DDX54: variants seen among roughly 807,000 people sequenced by gnomAD.
The protein encoded by DDX54 is DEAD-box helicase 54, also known as ATP-dependent RNA helicase DDX54.
Under a neutral mutation model 105.5 loss-of-function variants are expected in DDX54, and 67 were observed. That is an observed-to-expected ratio of 0.64 (90% CI 0.52 to 0.78). The LOEUF (loss-of-function observed/expected upper bound fraction) is 0.78, where lower values mean the gene tolerates loss of function less well. Among genes scored for constraint, DDX54 ranks in the 30% least tolerant of loss-of-function variants. DDX54 has a pLI of 0.00. For missense variants in DDX54, 1,206 were observed against 1,230.5 expected (o/e 0.98, Z 0.30); for synonymous variants, 514 against 509.9 (o/e 1.01, Z -0.11).
intron 5 of DDX54, among the ~76,000 whole-genome samples, 182 bp downstream of exon 5, chr12:113,178,795 G>A (rs61941442): frequency 0.053 from 8,025 of 152,196 alleles, 278 homozygotes; most frequent in Middle Eastern, 0.068. Context: ...TGCCCACCTC[G>A]GCCTCCCAGA....
rs954372161 is a variant in DDX54 at position 113,164,177 on chromosome 12, C to A, written c.1828G>T (p.Gly610Trp). ...GGGCCCTCCTGCTGCTCCTGCCGCC[C>A]CTGCTGTCCCTGCTGGAAGCGGGCG... Reference protein sequence around the residue: ...AIARFQQGQQGRQEQQEGPVG... With the variant: ...AIARFQQGQQWRQEQQEGPVG... Residue 610 changes from glycine to tryptophan, a missense_variant, in exon 15 of 20, where the codon GGG (glycine) becomes TGG (tryptophan). Physicochemically the swap from Gly to Trp is radical, Grantham distance 184. Around this residue, in one of 3 missense-constraint regions of DDX54, gnomAD observed 961 missense variants for 1,019.1 expected, o/e 0.94. Transcript: ENST00000306014. 14 of 1,561,660 alleles carry A rather than the reference C, an allele frequency of 9.0e-6. No individual in the cohort carries two copies. Among genetic ancestry groups the A allele is most frequent in the Non-Finnish European group, 1.1e-5 (13 of 1,154,056 alleles).
rs1032920350 is a variant in DDX54 at position 113,159,398 on chromosome 12, T to C, written c.2414-289A>G. The C allele has an allele frequency of 5.6e-5, 26 of 461,242 alleles. No individual in the cohort carries two copies. In the Admixed American group the frequency reaches 7.4e-4, roughly 13 times the overall value. 28.6% of individuals were successfully genotyped at this position (461,242 alleles called of 1,614,324 possible). A position where few individuals can be genotyped will look rare whatever the true frequency, so the allele number is the denominator to read the frequency against. On this transcript the variant is annotated intron_variant, in intron 19 of 19. Transcript: ENST00000306014. The stretch of plus-strand genomic sequence containing the variant: ...AGTTTCCCCATCTATGAATTATAAA[T>C]CACAGCACCTCCCTCATGGGTGAAG...
chr12:113,174,764 A>G lies in DDX54; in HGVS notation c.944T>C (p.Phe315Ser), dbSNP rs548127700. ...TKLNEQLKTS[F>S]FLVREDTKAA... Reference sequence around the variant, plus strand: ...CTTGGTGTCCTCCCGCACGAGGAAGAAGGAGGTCTGTGGGGAGAGGGCATC... The same window carrying G: ...CTTGGTGTCCTCCCGCACGAGGAAGGAGGAGGTCTGTGGGGAGAGGGCATC... The change falls in exon 10 of 20, where the codon TTC becomes TCC. Residue 315 changes from phenylalanine to serine, a missense_variant. Transcript: ENST00000306014. 1.1e-5 allele frequency: 17 copies of G among 1,612,686 alleles called. No homozygotes were observed. In the South Asian group the frequency reaches 1.5e-4, roughly 15 times the overall value.
intron 2 of DDX54, 100 bp downstream of exon 2, chr12:113,180,829 C>T: frequency 6.4e-7 from 1 of 1,566,922 alleles, no homozygotes; most frequent in South Asian, 1.2e-5. Context: ...TACCCAACCA[C>T]AGTGCTGGGC....
rs1444324465 is a variant in DDX54, at chr12:113,163,857, G to A, written c.1938+210C>T. Among the ~76,000 whole-genome samples, 3 of 152,274 alleles carry A rather than the reference G, an allele frequency of 2.0e-5. No individual in the cohort carries two copies. The highest frequency in any genetic ancestry group is 2.1e-4 in the South Asian group (1 of 4,822). On this transcript the variant is annotated intron_variant, in intron 15 of 19. Coordinates refer to ENST00000306014, the MANE Select transcript of DDX54 (RefSeq NM_024072.4). The surrounding 1 kb of genome is among the most constrained non-coding windows in gnomAD (Gnocchi z 5.9). Reference sequence around the variant, plus strand: ...CGGACCCCACTGAGGGTGTCATGTCGTGCACAGCTCCTCAGGCTAAAGATC... The same window carrying A: ...CGGACCCCACTGAGGGTGTCATGTCATGCACAGCTCCTCAGGCTAAAGATC...
intron 17 of DDX54, among the ~76,000 whole-genome samples, chr12:113,162,256 G>C (rs890599978): frequency 1.3e-5 from 2 of 152,294 alleles, no homozygotes; most frequent in East Asian, 1.9e-4. Context: ...GCCTGGCTCA[G>C]GGACAAGGGC....
intron 8 of DDX54, 36 bp downstream of exon 8, chr12:113,175,000 A>G (rs2136322699): frequency 6.3e-7 from 1 of 1,578,500 alleles, no homozygotes; most frequent in Non-Finnish European, 8.7e-7. Context: ...CCCCAGCCTG[A>G]CCCCCAGCCC....
rs1297206449 is a variant in DDX54, at chr12:113,165,595, C to A, written c.1719+49G>T. The A allele has an allele frequency of 7.2e-6, 11 of 1,535,544 alleles. No individual in the cohort carries two copies. The African/African-American group carries it at 8.2e-5, about 12-fold the overall frequency. On this transcript the variant is annotated intron_variant, in intron 14 of 19. Coordinates refer to ENST00000306014, the MANE Select transcript of DDX54 (RefSeq NM_024072.4). ...AGGCCACAGGCCATCTGTCTCTGGG[C>A]TCCACAGAGCCAGGACTCAGAGCGT...
At position 113,178,984 on chromosome 12, in the gene DDX54, C is replaced by T; in HGVS notation, c.607G>A (p.Gly203Arg). ...GGGGTGCAGGGACCTTACCTGTCTC[C>T]ACCCAGGATCAGGGCAGTCTTGAGG... ...TGLKTALILG[G>R]DRMEDQFAAL... The change falls in exon 5 of 20, where the codon GGA (glycine) becomes AGA (arginine). Residue 203 changes from glycine (G) to arginine (R), a missense_variant. Gly to Arg is a moderately radical substitution (Grantham distance 125). Coordinates refer to ENST00000306014, the MANE Select transcript of DDX54 (RefSeq NM_024072.4). The T allele has an allele frequency of 1.9e-6, 3 of 1,614,088 alleles. No individual in the cohort carries two copies. The highest frequency in any genetic ancestry group is 2.5e-6 in the Non-Finnish European group (3 of 1,179,974).
intron 4 of DDX54, 22 bp from the exon 5 acceptor site, chr12:113,179,048 G>C (rs1362685420): frequency 6.2e-7 from 1 of 1,613,900 alleles, no homozygotes; most frequent in African/African-American, 1.3e-5. Context: ...AAGTGATTGA[G>C]AGAGGGCAGG....
chr12:113,181,728 C>T (rs897483427), intron 1 of DDX54, among the ~76,000 whole-genome samples: 2 of 150,464 alleles, frequency 1.3e-5, no homozygotes, highest in Non-Finnish European at 3.0e-5. Flanking sequence ...CCTTTCTGAT[C>T]TCTGGTCTGT....
In DDX54 at chr12:113,164,321, C is replaced by A. The variant is rs767688274; in HGVS notation, c.1720-36G>T. On this transcript the variant is annotated intron_variant, in intron 14 of 19. Coordinates refer to ENST00000306014, the MANE Select transcript of DDX54 (RefSeq NM_024072.4). ...GACACCCAGTCCTTTGCCCACTGGC[C>A]TCCTACTCCTAACCCCACCCTTACC... The A allele has an allele frequency of 6.5e-6, 10 of 1,539,674 alleles. No homozygotes were observed. The South Asian group carries it at 1.2e-4, about 18-fold the overall frequency.
Position 113,174,679 on chromosome 12 carries a change from C to T in DDX54, c.1029G>A (p.Val343=). 6.2e-7 allele frequency: 1 copy of T among 1,610,654 alleles called. No individual in the cohort carries two copies. Among genetic ancestry groups the T allele is most frequent in the Non-Finnish European group, 8.5e-7 (1 of 1,177,082 alleles). The change falls in exon 10 of 20, where the codon GTG becomes GTA. Residue 343 remains valine (V), a synonymous_variant. Transcript: ENST00000306014. ...NVVRPQDQTV[V]FVATKHHAEY... ...CGGCGTGGTGCTTCGTGGCCACAAA[C>T]ACCACGGTCTGGTCCTGGGGCCGCA...
In DDX54 at chr12:113,179,220, C is replaced by A. The variant is rs1428650085; in HGVS notation, c.487G>T (p.Ala163Ser). Residue 163 changes from alanine (A) to serine (S), a missense_variant, in exon 4 of 20, where the codon GCC becomes TCC. By Grantham distance (99) the Ala-to-Ser change is moderately conservative. Coordinates refer to ENST00000306014, the MANE Select transcript of DDX54 (RefSeq NM_024072.4). Reference sequence around the variant, plus strand: ...ATGAGGGCGCGGGCCCCGGTCTGGGCACTGTGGGTCTTGAGCCGCTCGAAC... The same window carrying A: ...ATGAGGGCGCGGGCCCCGGTCTGGGAACTGTGGGTCTTGAGCCGCTCGAAC... ...PMFERLKTHS[A>S]QTGARALILS... 4 of 1,614,166 alleles carry A rather than the reference C, an allele frequency of 2.5e-6. No homozygotes were observed. Among genetic ancestry groups the A allele is most frequent in the Non-Finnish European group, 3.4e-6 (4 of 1,180,018 alleles).
chr12:113,180,779 G>A, intron 2 of DDX54, 150 bp downstream of exon 2: 1 of 1,304,340 alleles, frequency 7.7e-7, no homozygotes, highest in Non-Finnish European at 1.1e-6. Context: ...CCCACTAGAA[G>A]GCCCTGAATG....
Position 113,164,091 on chromosome 12 carries a change from C to T in DDX54, c.1914G>A (p.Glu638=). The T allele has an allele frequency of 6.5e-7, 1 of 1,550,376 alleles. No individual in the cohort carries two copies. Among genetic ancestry groups the T allele is most frequent in the Non-Finnish European group, 8.7e-7 (1 of 1,146,406 alleles). The part of the protein sequence containing the change: ...LQEKQPEKEE[E]EEAGESVEDI... ...CCTCCACACTCTCTCCCGCCTCCTCCTCCTCCTCCTTCTCAGGCTGCTTCT... is the reference window on the plus strand; with the variant it reads ...CCTCCACACTCTCTCCCGCCTCCTCTTCCTCCTCCTTCTCAGGCTGCTTCT... Residue 638 remains glutamate (E), a synonymous_variant, in exon 15 of 20, where the codon GAG becomes GAA. Coordinates refer to ENST00000306014, the MANE Select transcript of DDX54 (RefSeq NM_024072.4).
intron 12 of DDX54, among the ~76,000 whole-genome samples, chr12:113,167,448 A>T (rs918312954): frequency 6.6e-6 from 1 of 152,266 alleles, no homozygotes; most frequent in Non-Finnish European, 1.5e-5. Context: ...AGGGAAGAGC[A>T]TGATGGACCT....
intron 5 of DDX54, chr12:113,177,302 CAG>C: frequency 1.7e-6 from 1 of 581,602 alleles, no homozygotes; most frequent in Non-Finnish European, 3.0e-6. Flanking sequence ...ATGGTAACAA[CAG>C]AGTTCCTCTG....
At chr12:113,172,599 A>G in intron 10 of DDX54, 36 bp from the exon 11 acceptor site, 1 of 1,607,802 alleles carries the variant, frequency 6.2e-7, no homozygotes, top group Non-Finnish European at 8.5e-7. Context: ...AGTGAGAAGG[A>G]GACTTGGAGG....
Sources: gnomAD v4.1 joint callset for allele counts (sites outside exome capture counted in the v4.1 genomes callset) on GRCh38, gnomAD v4.1.1 for gene constraint, gnomAD v4.1.1 regional missense constraint, Gnocchi (gnomAD v3.1) non-coding constraint, MANE v1.5 for transcripts, NCBI Gene and HGNC (gene_info 2026-07-23, HGNC 2026-07-21) for gene names.